DLGAP1: variants seen among roughly 807,000 people sequenced by gnomAD.
The protein encoded by DLGAP1 is disks large-associated protein 1.
A neutral mutation model predicts 90.8 loss-of-function variants in DLGAP1; 11 were observed. The observed-to-expected ratio is 0.12, with a 90% CI of 0.08 to 0.20. DLGAP1 has a LOEUF of 0.20. Ranked by LOEUF, DLGAP1 falls within the 10% of genes least tolerant of loss-of-function variation. DLGAP1 has a pLI of 1.00. For missense variants in DLGAP1, 1,050 were observed against 1,333.8 expected (o/e 0.79, Z 3.31); for synonymous variants, 558 against 540.7 (o/e 1.03, Z -0.44).
At chr18:3,838,093 T>C (rs1598950959) in intron 4 of DLGAP1, among the ~76,000 whole-genome samples, 1 of 152,102 alleles carries the variant, frequency 6.6e-6, no homozygotes, top group African/African-American at 2.4e-5. Context: ...TTTAGAATAA[T>C]AGTCAACTGT....
At chr18:3,846,277 C>T (rs907640819) in intron 4 of DLGAP1, among the ~76,000 whole-genome samples, 3 of 152,166 alleles carry the variant, frequency 2.0e-5, no homozygotes, top group African/African-American at 2.4e-5. Flanking sequence ...TTACACCTTT[C>T]CTTTCTTCGT....
intron 1 of DLGAP1, among the ~76,000 whole-genome samples, chr18:4,176,116 A>T (rs968577929): frequency 7.2e-5 from 11 of 152,052 alleles, no homozygotes; most frequent in African/African-American, 2.7e-4. Context: ...GCAGTTGTTT[A>T]TAGTTCTCCT....
At chr18:4,283,928 A>G (rs2079616982) in intron 1 of DLGAP1, among the ~76,000 whole-genome samples, 2 of 152,278 alleles carry the variant, frequency 1.3e-5, no homozygotes, top group Admixed American at 1.3e-4. Context: ...ACAGTCAAAC[A>G]GGGTTAAATA....
At chr18:4,270,607 TAAAG>T (rs1485509552) in intron 1 of DLGAP1, among the ~76,000 whole-genome samples, 1 of 152,140 alleles carries the variant, frequency 6.6e-6, no homozygotes, top group Non-Finnish European at 1.5e-5. Context: ...TTATTGAAAA[TAAAG>T]AACACTTACA....
intron 7 of DLGAP1, among the ~76,000 whole-genome samples, chr18:3,658,750 C>T (rs2059583502): frequency 6.6e-6 from 1 of 152,166 alleles, no homozygotes; most frequent in African/African-American, 2.4e-5. Context: ...TTCTTATATA[C>T]ATCAGAATAT....
chr18:4,379,158 C>A (rs527433135), intron 1 of DLGAP1, among the ~76,000 whole-genome samples: 1 of 152,154 alleles, frequency 6.6e-6, no homozygotes, highest in African/African-American at 2.4e-5. Flanking sequence ...GCCCCAGGGG[C>A]TATGTGTACT....
At chr18:4,400,182 C>T (rs183714372) in intron 1 of DLGAP1, among the ~76,000 whole-genome samples, 48 of 152,262 alleles carry the variant, frequency 3.2e-4, no homozygotes, top group Middle Eastern at 6.8e-3. Context: ...TCTGCCTGCA[C>T]TCCCCATCTC....
chr18:3,644,742 G>A (rs2059060186), intron 7 of DLGAP1, among the ~76,000 whole-genome samples: 1 of 152,066 alleles, frequency 6.6e-6, no homozygotes, highest in Non-Finnish European at 1.5e-5. Flanking sequence ...CACTGTATGA[G>A]AAAGCTAAAT....
At chr18:3,690,498 A>G (rs1013631386) in intron 7 of DLGAP1, among the ~76,000 whole-genome samples, 8 of 152,120 alleles carry the variant, frequency 5.3e-5, no homozygotes, top group Admixed American at 2.0e-4. Context: ...GGGATATCCA[A>G]AGACGAGCTG....
At chr18:3,581,754 G>A in intron 8 of DLGAP1, 121 bp downstream of exon 8, 1 of 1,251,968 alleles carries the variant, frequency 8.0e-7, no homozygotes, top group Admixed American at 2.1e-5. Flanking sequence ...TTGAAAATCT[G>A]GTCCTATGCA....
chr18:4,007,718 A>T (rs2074332856), intron 2 of DLGAP1, among the ~76,000 whole-genome samples: 1 of 152,140 alleles, frequency 6.6e-6, no homozygotes, highest in Non-Finnish European at 1.5e-5. Flanking sequence ...ATAAAACCCT[A>T]AAGTTTTCTC....
chr18:4,384,949 C>T (rs1242674184), intron 1 of DLGAP1, among the ~76,000 whole-genome samples: 1 of 152,118 alleles, frequency 6.6e-6, no homozygotes, highest in Non-Finnish European at 1.5e-5. Context: ...CTTTTCTCTC[C>T]ACTCCCTTTA....
At chr18:4,193,174 T>C (rs1180331789) in intron 1 of DLGAP1, among the ~76,000 whole-genome samples, 1 of 152,196 alleles carries the variant, frequency 6.6e-6, no homozygotes, top group Non-Finnish European at 1.5e-5. Flanking sequence ...GCTAGGACAA[T>C]AAGTCTTCTC....
At chr18:3,873,309 G>A (rs575171534) in intron 4 of DLGAP1, among the ~76,000 whole-genome samples, 1 of 152,244 alleles carries the variant, frequency 6.6e-6, no homozygotes, top group African/African-American at 2.4e-5. Context: ...TGAATGAAGA[G>A]GGGCATCTCT....
In DLGAP1 at chr18:3,670,967, TTCG is replaced by T. The variant is rs776316081; in HGVS notation, c.1591+58165_1591+58167del. Among the ~76,000 whole-genome samples, 4 of 152,362 alleles carry T rather than the reference TTCG, an allele frequency of 2.6e-5. No homozygotes were observed. The East Asian group carries it at 7.7e-4, about 29-fold the overall frequency. On this transcript the variant is annotated intron_variant, in intron 7 of 12. Transcript: ENST00000315677. Reference sequence around the variant, plus strand: ...ACTGCTTAATAATCTCCCACTGCTCTTCGCAAAACTGTCAAAATCCTTAATGTG... The same window carrying T: ...ACTGCTTAATAATCTCCCACTGCTCTCAAAACTGTCAAAATCCTTAATGTG...
At chr18:4,094,244 T>A (rs914282080) in intron 2 of DLGAP1, among the ~76,000 whole-genome samples, 3 of 152,200 alleles carry the variant, frequency 2.0e-5, no homozygotes, top group Non-Finnish European at 4.4e-5. Flanking sequence ...CTTAGCTGTT[T>A]ACATATTAAT....
intron 7 of DLGAP1, among the ~76,000 whole-genome samples, chr18:3,582,948 G>T (rs374288381): frequency 1.3e-5 from 2 of 148,688 alleles, no homozygotes; most frequent in East Asian, 4.0e-4. Flanking sequence ...TAGAGAGGAG[G>T]TCTCTCTGTG....
At chr18:3,977,327 C>T (rs552208803) in intron 3 of DLGAP1, among the ~76,000 whole-genome samples, 4 of 152,206 alleles carry the variant, frequency 2.6e-5, no homozygotes, top group Non-Finnish European at 5.9e-5. Flanking sequence ...CTGCCTTGGC[C>T]TCTCAAAGTG....
intron 9 of DLGAP1, among the ~76,000 whole-genome samples, chr18:3,544,065 A>G (rs1272954949): frequency 6.6e-6 from 1 of 152,214 alleles, no homozygotes; most frequent in African/African-American, 2.4e-5. Context: ...TTTTAAATGA[A>G]GACAAAATAA....
Sources: allele counts gnomAD v4.1 joint callset (sites outside exome capture counted in the v4.1 genomes callset), GRCh38; gene constraint gnomAD v4.1.1; transcripts MANE v1.5; gene names NCBI Gene and HGNC (gene_info 2026-07-23, HGNC 2026-07-21).